Variants in AMBN observed in about 807,000 individuals in gnomAD.
AMBN encodes ameloblastin.
AMBN carries 54 observed loss-of-function variants against 48.0 expected under a neutral mutation model. That is an observed-to-expected ratio of 1.12 (90% CI 0.90 to 1.41). The LOEUF (loss-of-function observed/expected upper bound fraction) is 1.41, where lower values mean the gene tolerates loss of function less well. Ranked by LOEUF, AMBN falls within the 40% of genes most tolerant of loss-of-function variation. The pLI is 0.00. For missense variants in AMBN, 571 were observed against 547.3 expected, an observed-to-expected ratio of 1.04 and a Z score of -0.43; for synonymous variants, 186 against 190.0, an observed-to-expected ratio of 0.98 and a Z score of 0.17.
chr4:70,602,721 C>G, intron 7 of AMBN, 59 bp downstream of exon 7: 1 of 1,474,884 alleles, frequency 6.8e-7, no homozygotes, highest in Non-Finnish European at 9.1e-7. Flanking sequence ...TTTATTTGTT[C>G]ACTTTTTTAT....
At chr4:70,599,667 T>A (rs888080677) in intron 5 of AMBN, 21 bp downstream of exon 5, 6 of 1,555,188 alleles carry the variant, frequency 3.9e-6, no homozygotes, top group South Asian at 2.3e-5. Flanking sequence ...AGCATCAATA[T>A]GTTTGAAACC....
chr4:70,604,936 C>T (rs556782400), intron 12 of AMBN, among the ~76,000 whole-genome samples: 11 of 150,892 alleles, frequency 7.3e-5, no homozygotes, highest in South Asian at 4.2e-4. Flanking sequence ...GAGGTTTCAA[C>T]GAGCTGAGAT....
In AMBN at chr4:70,603,287, C is replaced by A; in HGVS notation, c.676C>A (p.His226Asn). The A allele has an allele frequency of 6.2e-7, 1 of 1,613,646 alleles. No homozygotes were observed. Among genetic ancestry groups the A allele is most frequent in the Non-Finnish European group, 8.5e-7 (1 of 1,179,798 alleles). Residue 226 changes from histidine to asparagine, a missense_variant, in exon 10 of 13, where the codon CAC becomes AAC. By Grantham distance (68) the His-to-Asn change is moderately conservative. Transcript: ENST00000322937. ...TIFQIARLIS[H>N]GPMPQNKQSP... ...TTTCCAAATAGCCCGTTTGATTTCT[C>A]ACGGACCAATGCCACAAAATAAACA...
At position 70,606,751 on chromosome 4, in the gene AMBN, C is replaced by G; in HGVS notation, c.*21C>G. ...CCTGACAGCTCTAAGATATTAGCTA[C>G]TTTCTGTATGCACAAGCTTCCCAGC... On this transcript the variant is annotated 3_prime_UTR_variant, in exon 13 of 13. Coordinates refer to ENST00000322937, the MANE Select transcript of AMBN (RefSeq NM_016519.6). 1.3e-6 allele frequency: 2 copies of G among 1,587,316 alleles called. No homozygotes were observed. The highest frequency in any genetic ancestry group is 1.7e-6 in the Non-Finnish European group (2 of 1,166,220).
intron 2 of AMBN, among the ~76,000 whole-genome samples, chr4:70,593,685 C>T (rs1274624827): frequency 6.6e-6 from 1 of 151,958 alleles, no homozygotes; most frequent in Non-Finnish European, 1.5e-5. Context: ...GCCAACATGG[C>T]TAAACCCTGT....
rs764685565 is a variant in AMBN, at chr4:70,601,437, T to G, written c.314T>G (p.Val105Gly). The change falls in exon 6 of 13, where the codon GTG becomes GGG. Residue 105 changes from valine to glycine, a missense_variant. Coordinates refer to ENST00000322937, the MANE Select transcript of AMBN (RefSeq NM_016519.6). ...CTGCAGTATGAATATTCTTTGCCTGTGCATCCCCCACCTCTCCCATCACAG... is the reference window on the plus strand; with the variant it reads ...CTGCAGTATGAATATTCTTTGCCTGGGCATCCCCCACCTCTCCCATCACAG... ...ETQQYEYSLP[V>G]HPPPLPSQPS... is the part of the protein sequence containing the mutation. The G allele has an allele frequency of 1.9e-6, 3 of 1,614,120 alleles. No homozygotes were observed. The South Asian group carries it at 3.3e-5, about 18-fold the overall frequency.
At chr4:70,596,154 G>A (rs982671265) in intron 2 of AMBN, among the ~76,000 whole-genome samples, 19 of 151,926 alleles carry the variant, frequency 1.3e-4, no homozygotes, top group Non-Finnish European at 2.6e-4. Context: ...GCCGGGCTTG[G>A]TGGTGCACAC....
intron 4 of AMBN, among the ~76,000 whole-genome samples, chr4:70,599,237 T>C (rs1737459934): frequency 1.3e-5 from 2 of 151,876 alleles, no homozygotes; most frequent in African/African-American, 4.8e-5. Context: ...GGTCAAGAGA[T>C]CAAGACCATC....
rs762078135 is a variant in AMBN, at chr4:70,603,275, C to T, written c.664C>T (p.Arg222Cys). 19 of 1,613,250 alleles carry T rather than the reference C, an allele frequency of 1.2e-5. No individual in the cohort carries two copies. Among genetic ancestry groups the T allele is most frequent in the African/African-American group, 8.0e-5 (6 of 74,842 alleles). Reference sequence around the variant, plus strand: ...CCATTTAAAGATTTTCCAAATAGCCCGTTTGATTTCTCACGGACCAATGCC... The same window carrying T: ...CCATTTAAAGATTTTCCAAATAGCCTGTTTGATTTCTCACGGACCAATGCC... ...PQGSTIFQIA[R>C]LISHGPMPQN... Residue 222 changes from arginine (R) to cysteine (C), a missense_variant, in exon 10 of 13, where the codon CGT becomes TGT. Physicochemically the swap from Arg to Cys is radical, Grantham distance 180 (BLOSUM62 -3). Transcript: ENST00000322937.
chr4:70,603,816 G>C (rs898225708), intron 11 of AMBN, 61 bp from the exon 12 acceptor site: 12 of 1,570,224 alleles, frequency 7.6e-6, no homozygotes, highest in Middle Eastern at 1.7e-4. Flanking sequence ...TTTTAACTTT[G>C]TCTTGAGTAG....
At chr4:70,592,751 A>G (rs1737301897) in intron 1 of AMBN, among the ~76,000 whole-genome samples, 1 of 152,168 alleles carries the variant, frequency 6.6e-6, no homozygotes, top group South Asian at 2.1e-4. Flanking sequence ...AATTTGAGAC[A>G]TATTTTCCAC....
At chr4:70,599,021 C>T in intron 4 of AMBN, among the ~76,000 whole-genome samples, 1 of 150,588 alleles carries the variant, frequency 6.6e-6, no homozygotes, top group Non-Finnish European at 1.5e-5. Flanking sequence ...GTGATCCACC[C>T]ACCTCGGCCT....
rs1197445192 is a variant in AMBN at position 70,603,208 on chromosome 4, T to C, written c.649-52T>C. The C allele has an allele frequency of 4.5e-6, 7 of 1,552,862 alleles. No individual in the cohort carries two copies. In the Admixed American group the frequency reaches 8.5e-5, roughly 19 times the overall value. On this transcript the variant is annotated intron_variant, in intron 9 of 12. Coordinates refer to ENST00000322937, the MANE Select transcript of AMBN (RefSeq NM_016519.6). ...GTTTCATATACCTCAAAAATTACTGTTATGGGGATGTGCCTGTGAGAATTA... is the reference window on the plus strand; with the variant it reads ...GTTTCATATACCTCAAAAATTACTGCTATGGGGATGTGCCTGTGAGAATTA...
intron 12 of AMBN, among the ~76,000 whole-genome samples, chr4:70,605,520 A>T (rs146588857): frequency 7.4e-4 from 113 of 152,324 alleles, no homozygotes; most frequent in African/African-American, 2.6e-3. Flanking sequence ...CAGCAAAGGT[A>T]GAAAAAGAAA....
intron 2 of AMBN, among the ~76,000 whole-genome samples, chr4:70,593,950 T>G (rs1018943717): frequency 1.3e-5 from 2 of 152,114 alleles, no homozygotes; most frequent in Non-Finnish European, 2.9e-5. Flanking sequence ...TTCTAGATCT[T>G]ATTCCACTCA....
intron 11 of AMBN, 122 bp downstream of exon 11, chr4:70,603,582 G>C (rs1360049104): frequency 2.0e-6 from 2 of 1,016,614 alleles, no homozygotes; most frequent in South Asian, 1.6e-5. Flanking sequence ...ACCTACATTA[G>C]TACTGAAATA....
rs1737521847 is a variant in AMBN at position 70,601,558 on chromosome 4, GCCT to G, written c.438_440del (p.Pro147del). ...CCACAGCACTGAAAGAAGCACTTCAGCCTCCAATTCACCTGGGACATCTGCCCT... is the reference window on the plus strand; with the variant it reads ...CCACAGCACTGAAAGAAGCACTTCAGCCAATTCACCTGGGACATCTGCCCT... On this transcript the variant is annotated inframe_deletion, in exon 6 of 13. Coordinates refer to ENST00000322937, the MANE Select transcript of AMBN (RefSeq NM_016519.6). 6.2e-7 allele frequency: 1 copy of G among 1,614,046 alleles called. No individual in the cohort carries two copies. The highest frequency in any genetic ancestry group is 1.7e-5 in the Admixed American group (1 of 60,006).
chr4:70,601,885 A>G (rs749558512), intron 6 of AMBN: 3 of 636,412 alleles, frequency 4.7e-6, no homozygotes, highest in South Asian at 1.5e-5. Flanking sequence ...TACTGTGCCT[A>G]TAAAACTGGG....
In AMBN at chr4:70,601,666, C is replaced by G; in HGVS notation, c.531+12C>G. The G allele has an allele frequency of 6.2e-7, 1 of 1,610,624 alleles. No individual in the cohort carries two copies. Among genetic ancestry groups the G allele is most frequent in the South Asian group, 1.1e-5 (1 of 90,782 alleles). ...CACCAAAGCCTGAGGTACTTCCTTT[C>G]TCTTGAAGTCAGATCAGAATCACCA... is the stretch of plus-strand genomic sequence containing the variant. On this transcript the variant is annotated intron_variant, in intron 6 of 12. Transcript: ENST00000322937.
Sources: gnomAD v4.1 joint callset for allele counts (sites outside exome capture counted in the v4.1 genomes callset) on GRCh38, gnomAD v4.1.1 for gene constraint, MANE v1.5 for transcripts, NCBI Gene and HGNC (gene_info 2026-07-23, HGNC 2026-07-21) for gene names.